EPHB1: variants seen among roughly 807,000 people sequenced by gnomAD.
EPHB1 encodes EPH receptor B1, also known as ephrin type-B receptor 1.
Under a neutral mutation model 94.4 loss-of-function variants are expected in EPHB1, and 30 were observed. The observed-to-expected ratio is 0.32, with a 90% CI of 0.24 to 0.43. The LOEUF (loss-of-function observed/expected upper bound fraction) is 0.43. EPHB1 is among the 20% of genes least tolerant of loss of function. The pLI, the probability that EPHB1 is intolerant of heterozygous loss-of-function variation, is 1.00. For synonymous variants in EPHB1, 522 were observed against 489.1 expected (o/e 1.07, Z -0.89); for missense variants, 1,055 against 1,308.3 (o/e 0.81, Z 2.99).
chr3:135,030,881 T>A (rs1936424121), intron 3 of EPHB1, among the ~76,000 whole-genome samples: 1 of 152,180 alleles, frequency 6.6e-6, no homozygotes, highest in African/African-American at 2.4e-5. Flanking sequence ...GCGAGACTCC[T>A]TGGAGTAGGA....
At chr3:134,871,114 G>A (rs60609545) in intron 1 of EPHB1, among the ~76,000 whole-genome samples, 1 of 152,160 alleles carries the variant, frequency 6.6e-6, no homozygotes, top group African/African-American at 2.4e-5. Flanking sequence ...ATAGGCTAGA[G>A]GGAAGTCATA....
intron 10 of EPHB1, among the ~76,000 whole-genome samples, chr3:135,183,658 G>A (rs1206616315): frequency 6.6e-6 from 1 of 152,192 alleles, no homozygotes; most frequent in Admixed American, 6.5e-5. Flanking sequence ...GGGAGAGAAG[G>A]CTTGATGGCA....
chr3:135,204,881 C>CA (rs1942856615), intron 12 of EPHB1, among the ~76,000 whole-genome samples: 1 of 73,916 alleles, frequency 1.4e-5, no homozygotes, highest in Non-Finnish European at 2.3e-5. Flanking sequence ...AGGTTTTATT[C>CA]TTTTTTTTTT....
At position 134,951,485 on chromosome 3, in the gene EPHB1, C is replaced by T. The variant is rs373140258; in HGVS notation, c.238C>T (p.Arg80Trp). 28 of 1,611,308 alleles carry T rather than the reference C, an allele frequency of 1.7e-5. 1 individual carries two copies. Among genetic ancestry groups the T allele is most frequent in the South Asian group, 7.7e-5 (7 of 90,898 alleles). ...NWLLTTFINR[R>W]GAHRIYTEMR... ...GCTGCTCACCACCTTCATCAACCGGCGGGGGGCCCATCGCATCTACACAGA... is the reference window on the plus strand; with the variant it reads ...GCTGCTCACCACCTTCATCAACCGGTGGGGGGCCCATCGCATCTACACAGA... Residue 80 changes from arginine to tryptophan, a missense_variant, in exon 3 of 16, where the codon CGG becomes TGG. Arg to Trp is a moderately radical substitution (Grantham distance 101, BLOSUM62 -3). Transcript: ENST00000398015. The surrounding 1 kb of genome is among the most constrained non-coding windows in gnomAD (Gnocchi z 4.5).
At chr3:134,862,538 G>A (rs1043181831) in intron 1 of EPHB1, among the ~76,000 whole-genome samples, 1 of 150,986 alleles carries the variant, frequency 6.6e-6, no homozygotes, top group Non-Finnish European at 1.5e-5. Flanking sequence ...CTCAATTAGA[G>A]TAAAACTTTA....
At chr3:135,157,191 A>T (rs1941379211) in intron 6 of EPHB1, among the ~76,000 whole-genome samples, 1 of 152,252 alleles carries the variant, frequency 6.6e-6, no homozygotes, top group South Asian at 2.1e-4. Flanking sequence ...GCCCTGCAGC[A>T]GGTGGTGGTG....
intron 15 of EPHB1, among the ~76,000 whole-genome samples, 196 bp downstream of exon 15, chr3:135,249,687 T>C (rs1160103954): frequency 1.3e-5 from 2 of 152,246 alleles, no homozygotes; most frequent in East Asian, 3.8e-4. Flanking sequence ...AGATCCACTC[T>C]GGGACCCAAA....
intron 3 of EPHB1, chr3:135,067,727 T>TA (rs1315511109): frequency 5.3e-5 from 8 of 152,342 alleles, no homozygotes; most frequent in Admixed American, 2.0e-4. Flanking sequence ...TTCATATTGT[T>TA]ACAAAGTTCA....
Position 135,249,391 on chromosome 3 carries a change from G to A in EPHB1, c.2746G>A (p.Val916Met), listed in dbSNP as rs753895808. The change falls in exon 15 of 16, where the codon GTG (valine) becomes ATG (methionine). Residue 916 changes from valine to methionine, a missense_variant. By Grantham distance (21) the Val-to-Met change is conservative. Coordinates refer to ENST00000398015, the MANE Select transcript of EPHB1 (RefSeq NM_004441.5). ...CCCAGACTTCACGGCCTTTACCACC[G>A]TGGATGACTGGCTCAGCGCCATCAA... ...SIPDFTAFTT[V>M]DDWLSAIKMV... 1.6e-5 allele frequency: 26 copies of A among 1,613,820 alleles called. No individual in the cohort carries two copies. Among genetic ancestry groups the A allele is most frequent in the South Asian group, 3.3e-5 (3 of 91,088 alleles).
At chr3:135,252,197 A>C (rs956030965) in intron 15 of EPHB1, among the ~76,000 whole-genome samples, 1 of 151,018 alleles carries the variant, frequency 6.6e-6, no homozygotes, top group Non-Finnish European at 1.5e-5. Flanking sequence ...TTTTATTTTT[A>C]TTTTTTAATA....
chr3:134,916,415 C>T (rs970353403), intron 1 of EPHB1, among the ~76,000 whole-genome samples: 2 of 152,284 alleles, frequency 1.3e-5, no homozygotes, highest in East Asian at 1.9e-4. Flanking sequence ...GGGCGGTGCT[C>T]GTCCGGGAGG....
chr3:135,176,265 T>C (rs1457669282), intron 9 of EPHB1, among the ~76,000 whole-genome samples: 1 of 152,142 alleles, frequency 6.6e-6, no homozygotes, highest in Non-Finnish European at 1.5e-5. Flanking sequence ...TATCAGACCT[T>C]AGGGGAAAGT....
chr3:134,886,536 A>G (rs934011025), intron 1 of EPHB1, among the ~76,000 whole-genome samples: 21 of 152,356 alleles, frequency 1.4e-4, no homozygotes, highest in African/African-American at 5.0e-4. Context: ...ACACGGATCT[A>G]TCGGATCTAT....
intron 3 of EPHB1, among the ~76,000 whole-genome samples, chr3:135,009,405 C>A (rs1303895738): frequency 6.6e-6 from 1 of 152,220 alleles, no homozygotes; most frequent in African/African-American, 2.4e-5. Flanking sequence ...TCTTATTATG[C>A]AGCTCAGCTA....
chr3:135,231,421 T>C (rs1943528115), intron 12 of EPHB1, among the ~76,000 whole-genome samples: 1 of 152,204 alleles, frequency 6.6e-6, no homozygotes, highest in South Asian at 2.1e-4. Flanking sequence ...TCTTCACACA[T>C]GAAATACACA....
intron 1 of EPHB1, among the ~76,000 whole-genome samples, chr3:134,820,229 C>T (rs1033666106): frequency 2.0e-5 from 3 of 152,234 alleles, no homozygotes; most frequent in Admixed American, 2.0e-4. Flanking sequence ...ATGGTCCCAT[C>T]TGGACCAAGC....
chr3:135,029,127 G>A (rs1288323560), intron 3 of EPHB1, among the ~76,000 whole-genome samples: 1 of 68,440 alleles, frequency 1.5e-5, no homozygotes, highest in Non-Finnish European at 3.6e-5. Flanking sequence ...GTCTCTGCAC[G>A]TGAGATGGGT....
intron 12 of EPHB1, among the ~76,000 whole-genome samples, chr3:135,223,572 T>C (rs190231475): frequency 2.6e-4 from 40 of 152,334 alleles, no homozygotes; most frequent in African/African-American, 9.4e-4. Flanking sequence ...GACACTTTAT[T>C]GTATTTTAGA....
intron 3 of EPHB1, among the ~76,000 whole-genome samples, chr3:135,083,638 G>A (rs1559823175): frequency 6.6e-6 from 1 of 151,952 alleles, no homozygotes; most frequent in Non-Finnish European, 1.5e-5. Context: ...CTGTCACCAG[G>A]AGCACCTTCT....
Sources: gnomAD v4.1 joint callset for allele counts (sites outside exome capture counted in the v4.1 genomes callset) on GRCh38, gnomAD v4.1.1 for gene constraint, Gnocchi (gnomAD v3.1) non-coding constraint, MANE v1.5 for transcripts, NCBI Gene and HGNC (gene_info 2026-07-23, HGNC 2026-07-21) for gene names.